TNFAIP3: variants seen among roughly 807,000 people sequenced by gnomAD.
TNFAIP3 encodes the protein TNF alpha induced protein 3, also known as tumor necrosis factor alpha-induced protein 3.
A neutral mutation model predicts 72.4 loss-of-function variants in TNFAIP3; 9 were observed. That is an observed-to-expected ratio of 0.12 (90% CI 0.07 to 0.22). TNFAIP3 has a LOEUF of 0.22. TNFAIP3 is among the 10% of genes least tolerant of loss of function. TNFAIP3 has a pLI of 1.00. For synonymous variants in TNFAIP3, 339 were observed against 372.6 expected (o/e 0.91, Z 1.04); for missense variants, 833 against 1,018.7 (o/e 0.82, Z 2.48).
Position 137,881,097 on chromosome 6 carries a change from C to T in TNFAIP3, c.2151C>T (p.Ala717=). 1 of 1,613,918 alleles carries T rather than the reference C, an allele frequency of 6.2e-7. No homozygotes were observed. Among genetic ancestry groups the T allele is most frequent in the Non-Finnish European group, 8.5e-7 (1 of 1,179,992 alleles). ...AAAGCACCTCAAGGCCCAAGTGCGC[C>T]CGGGCCTCCTGCAAGAACATCCTGG... ...TTQSTSRPKC[A]RASCKNILAC... Residue 717 remains alanine (A), a synonymous_variant, in exon 9 of 9, where the codon GCC becomes GCT. Coordinates refer to ENST00000612899, the MANE Select transcript of TNFAIP3 (RefSeq NM_001270508.2). The surrounding 1 kb of genome is among the most constrained non-coding windows in gnomAD (Gnocchi z 5.0).
At chr6:137,868,984 AAG>A (rs2114441482) in intron 1 of TNFAIP3, among the ~76,000 whole-genome samples, 1 of 43,318 alleles carries the variant, frequency 2.3e-5, no homozygotes, top group African/African-American at 3.5e-5. Flanking sequence ...AGAAAAATAA[AAG>A]AGTCAGGCAA....
At position 137,882,115 on chromosome 6, in the gene TNFAIP3, A is replaced by G. The variant is rs536579203; in HGVS notation, c.*796A>G. The G allele has an allele frequency of 3.1e-4, 72 of 231,556 alleles. No individual in the cohort carries two copies. Among genetic ancestry groups the G allele is most frequent in the African/African-American group, 1.6e-3 (71 of 45,364 alleles). The allele number at this position is 231,556 out of a possible 1,614,324, so 14.3% of individuals were successfully genotyped here. ...GTAAAAGTGTGTACATATATAATAT[A>G]CCCTTACATTATGTATGAGGGATTT... is the stretch of plus-strand genomic sequence containing the variant. On this transcript the variant is annotated 3_prime_UTR_variant, in exon 9 of 9. Coordinates refer to ENST00000612899, the MANE Select transcript of TNFAIP3 (RefSeq NM_001270508.2).
At position 137,878,525 on chromosome 6, in the gene TNFAIP3, C is replaced by T. The variant is rs765957007; in HGVS notation, c.1080C>T (p.Ser360=). ...AGTACAAGAAATGGCAGGAAAACAG[C>T]GAGCAGGGGAGGAGAGAGGGGCACG... ...QHEYKKWQEN[S]EQGRREGHAQ... Residue 360 remains serine (S), a synonymous_variant, in exon 7 of 9, where the codon AGC becomes AGT. Transcript: ENST00000612899. 1.5e-5 allele frequency: 25 copies of T among 1,614,104 alleles called. No individual in the cohort carries two copies. The highest frequency in any genetic ancestry group is 1.6e-4 in the Middle Eastern group (1 of 6,084).
intron 7 of TNFAIP3, among the ~76,000 whole-genome samples, chr6:137,879,761 A>G (rs764825614): frequency 5.1e-4 from 77 of 152,360 alleles, no homozygotes; most frequent in African/African-American, 1.8e-3. Context: ...CTGTAAGGAA[A>G]CAGATGTGGT....
rs768297733 is a variant in TNFAIP3, at chr6:137,882,525, C to G, written c.*1206C>G. ...ATCCAAGGTATACATACATATTCATCGATGTTTCGTGCTTCTCCTTATGAA... is the reference window on the plus strand; with the variant it reads ...ATCCAAGGTATACATACATATTCATGGATGTTTCGTGCTTCTCCTTATGAA... On this transcript the variant is annotated 3_prime_UTR_variant, in exon 9 of 9. Transcript: ENST00000612899. 2 of 232,080 alleles carry G rather than the reference C, an allele frequency of 8.6e-6. No individual in the cohort carries two copies. The highest frequency in any genetic ancestry group is 1.7e-5 in the Non-Finnish European group (2 of 117,372). The allele number at this position is 232,080 out of a possible 1,614,324, so 14.4% of individuals were successfully genotyped here.
At chr6:137,872,364 C>A (rs1776090650) in intron 2 of TNFAIP3, among the ~76,000 whole-genome samples, 1 of 152,188 alleles carries the variant, frequency 6.6e-6, no homozygotes, top group Non-Finnish European at 1.5e-5. Flanking sequence ...GTTGACTGTA[C>A]AAGCTCAATT....
chr6:137,882,313 T>A lies in TNFAIP3; in HGVS notation c.*994T>A. The A allele has an allele frequency of 4.3e-6, 1 of 231,732 alleles. No individual in the cohort carries two copies. The highest frequency in any genetic ancestry group is 8.5e-6 in the Non-Finnish European group (1 of 117,036). The allele number at this position is 231,732 out of a possible 1,614,324, so 14.4% of individuals were successfully genotyped here. A position where few individuals can be genotyped will look rare whatever the true frequency, so the allele number is the denominator to read the frequency against. On this transcript the variant is annotated 3_prime_UTR_variant, in exon 9 of 9. Coordinates refer to ENST00000612899, the MANE Select transcript of TNFAIP3 (RefSeq NM_001270508.2). ...TCCTTTTTGTGTAATTCACTTTATT[T>A]ATTTTATTACAAACTTCAAGATTAT...
rs1156964008 is a variant in TNFAIP3 at position 137,869,333 on chromosome 6, GGATA to G, written c.-16+1795_-16+1798del. Among the ~76,000 whole-genome samples the G allele has an allele frequency of 1.9e-3, 273 of 143,068 alleles. 1 individual carries two copies. The highest frequency in any genetic ancestry group is 4.9e-3 in the Admixed American group (70 of 14,228). 93.9% of individuals were successfully genotyped at this position (143,068 alleles called of 152,430 possible). A position where few individuals can be genotyped will look rare whatever the true frequency, so the allele number is the denominator to read the frequency against. On this transcript the variant is annotated intron_variant, in intron 1 of 8. Coordinates refer to ENST00000612899, the MANE Select transcript of TNFAIP3 (RefSeq NM_001270508.2). ...TTGTTGGGTGGATGGGTGGATGGAT[GGATA>G]GATGGATGGATGGATGGATGGATGG... is the stretch of plus-strand genomic sequence containing the variant.
intron 1 of TNFAIP3, among the ~76,000 whole-genome samples, chr6:137,870,280 G>T (rs912557833): frequency 1.3e-5 from 2 of 152,056 alleles, no homozygotes; most frequent in Non-Finnish European, 2.9e-5. Flanking sequence ...TTATTATTTT[G>T]CGGTTTTTCA....
intron 2 of TNFAIP3, 66 bp from the exon 3 acceptor site, chr6:137,874,779 A>G: frequency 2.0e-6 from 3 of 1,523,492 alleles, no homozygotes; most frequent in Non-Finnish European, 2.7e-6. Flanking sequence ...TATTCTGAAA[A>G]CCTTTGCTGG....
At chr6:137,879,945 TA>T in intron 7 of TNFAIP3, 125 bp from the exon 8 acceptor site, 1 of 688,864 alleles carries the variant, frequency 1.5e-6, no homozygotes. Flanking sequence ...TATACATATA[TA>T]TATTTCTATA....
chr6:137,874,781 C>T, intron 2 of TNFAIP3, 64 bp from the exon 3 acceptor site: 1 of 1,535,870 alleles, frequency 6.5e-7, no homozygotes, highest in East Asian at 2.3e-5. Context: ...TTCTGAAAAC[C>T]TTTGCTGGGT....
Position 137,876,272 on chromosome 6 carries a change from TTAAA to T in TNFAIP3, c.805+109_805+112del, listed in dbSNP as rs1445255423. ...TCTTATTTAAGTATATTATTTTTAT[TTAAA>T]TATATTGTTCTGTGACTTGCTTGGT... On this transcript the variant is annotated intron_variant, in intron 5 of 8. Coordinates refer to ENST00000612899, the MANE Select transcript of TNFAIP3 (RefSeq NM_001270508.2). 6 of 939,864 alleles carry T rather than the reference TTAAA, an allele frequency of 6.4e-6. No individual in the cohort carries two copies. In the Middle Eastern group the frequency reaches 9.4e-4, roughly 147 times the overall value. 58.2% of individuals were successfully genotyped at this position (939,864 alleles called of 1,614,324 possible). A position where few individuals can be genotyped will look rare whatever the true frequency, so the allele number is the denominator to read the frequency against.
chr6:137,876,337 C>A, intron 5 of TNFAIP3, 171 bp downstream of exon 5: 1 of 606,812 alleles, frequency 1.6e-6, no homozygotes, highest in Non-Finnish European at 2.8e-6. Flanking sequence ...ATCATAATAC[C>A]CTCATATCTT....
At position 137,881,040 on chromosome 6, in the gene TNFAIP3, G is replaced by T. The variant is rs766562483; in HGVS notation, c.2094G>T (p.Ser698=). 4 of 1,589,272 alleles carry T rather than the reference G, an allele frequency of 2.5e-6. No individual in the cohort carries two copies. The African/African-American group carries it at 5.4e-5, about 21-fold the overall frequency. ...TGCCTGTTCTTTCCACTCAGAGATC[G>T]AGCCAGCGCAGAGATGTGCCTCGAA... ...EAKRTEEQLR[S]SQRRDVPRTT... The change falls in exon 9 of 9, where the codon TCG becomes TCT. Residue 698 remains serine (S), a synonymous_variant. Transcript: ENST00000612899. The surrounding 1 kb of genome is among the most constrained non-coding windows in gnomAD (Gnocchi z 5.0).
chr6:137,880,053 G>T lies in TNFAIP3; in HGVS notation c.1907-18G>T, dbSNP rs768593239. 8 of 1,613,180 alleles carry T rather than the reference G, an allele frequency of 5.0e-6. No homozygotes were observed. The highest frequency in any genetic ancestry group is 5.9e-6 in the Non-Finnish European group (7 of 1,179,500). On this transcript the variant is annotated intron_variant, in intron 7 of 8. Coordinates refer to ENST00000612899, the MANE Select transcript of TNFAIP3 (RefSeq NM_001270508.2). The stretch of plus-strand genomic sequence containing the variant: ...GGTGACCCCTATGTGGTACTAACTA[G>T]CATCCATTCTCATGTAGATTTTGCT...
chr6:137,874,746 CT>C lies in TNFAIP3; in HGVS notation c.296-98del, dbSNP rs1776177719. The C allele has an allele frequency of 2.5e-6, 3 of 1,201,344 alleles. No homozygotes were observed. The South Asian group carries it at 4.7e-5, about 19-fold the overall frequency. 74.4% of individuals were successfully genotyped at this position (1,201,344 alleles called of 1,614,324 possible). A position where few individuals can be genotyped will look rare whatever the true frequency, so the allele number is the denominator to read the frequency against. ...ACATCAAATTAAACCATTCAGTCCC[CT>C]AGAATAGCAGTAGGGCTGGTTTATT... On this transcript the variant is annotated intron_variant, in intron 2 of 8. Coordinates refer to ENST00000612899, the MANE Select transcript of TNFAIP3 (RefSeq NM_001270508.2).
chr6:137,880,329 A>T (rs941306364), intron 8 of TNFAIP3, 77 bp downstream of exon 8: 1 of 1,487,364 alleles, frequency 6.7e-7, no homozygotes, highest in African/African-American at 1.4e-5. Flanking sequence ...ACCGACAGTG[A>T]CAAGCAGGCT....
Position 137,867,993 on chromosome 6 carries a change from G to A in TNFAIP3, c.-16+451G>A. On this transcript the variant is annotated intron_variant, in intron 1 of 8. Transcript: ENST00000612899. The surrounding 1 kb of genome is among the most constrained non-coding windows in gnomAD (Gnocchi z 6.0). ...CGGGGCGTAGGGTACCGCAGTGGCC[G>A]CCAGCCCGGCGGAGGTGGGGGGCTT... 1 of 152,614 alleles carries A rather than the reference G, an allele frequency of 6.6e-6. No individual in the cohort carries two copies. Among genetic ancestry groups the A allele is most frequent in the South Asian group, 2.0e-4 (1 of 4,926 alleles). The allele number at this position is 152,614 out of a possible 1,614,324, so 9.5% of individuals were successfully genotyped here. A position where few individuals can be genotyped will look rare whatever the true frequency, so the allele number is the denominator to read the frequency against.
Sources: allele counts gnomAD v4.1 joint callset (sites outside exome capture counted in the v4.1 genomes callset), GRCh38; gene constraint gnomAD v4.1.1; non-coding constraint Gnocchi (gnomAD v3.1); transcripts MANE v1.5; gene names NCBI Gene and HGNC (gene_info 2026-07-23, HGNC 2026-07-21).